The following OSBPL10 variants were observed in gnomAD, a reference collection of about 807,000 sequenced individuals.
OSBPL10 encodes the protein oxysterol binding protein like 10.
OSBPL10 carries 49 observed loss-of-function variants against 81.7 expected under a neutral mutation model. The observed-to-expected ratio is 0.60, with a 90% CI of 0.48 to 0.76. The LOEUF is 0.76. Ranked by LOEUF, OSBPL10 falls within the 30% of genes least tolerant of loss-of-function variation. OSBPL10 has a pLI of 0.00. For missense variants in OSBPL10, 923 were observed against 987.8 expected (o/e 0.93, Z 0.88); for synonymous variants, 419 against 383.6 (o/e 1.09, Z -1.08).
intron 2 of OSBPL10, among the ~76,000 whole-genome samples, chr3:31,878,242 G>C (rs377513206): frequency 1.4e-4 from 22 of 152,318 alleles, no homozygotes; most frequent in East Asian, 1.4e-3. Flanking sequence ...TGTCAAATTA[G>C]TTGGATATTT....
At chr3:31,859,603 T>C (rs1701011937) in intron 3 of OSBPL10, among the ~76,000 whole-genome samples, 1 of 152,232 alleles carries the variant, frequency 6.6e-6, no homozygotes, top group Non-Finnish European at 1.5e-5. Flanking sequence ...CTTTTGCCCT[T>C]TCACTTTCTG....
intron 4 of OSBPL10, among the ~76,000 whole-genome samples, chr3:31,778,736 T>G (rs116802500): frequency 0.016 from 2,370 of 152,022 alleles, 43 homozygotes; most frequent in Non-Finnish European, 0.02. Context: ...AAAAAAATAA[T>G]AATAATAATC....
At position 31,991,915 on chromosome 3, in the gene OSBPL10, T is replaced by C. The variant is rs562757342; in HGVS notation, n.298+54576A>G. Among the ~76,000 whole-genome samples the C allele has an allele frequency of 2.9e-3, 445 of 151,522 alleles. 2 individuals carry two copies. Among genetic ancestry groups the C allele is most frequent in the African/African-American group, 0.01 (417 of 41,322 alleles). ...GGCTCATGCCTGTAATCCCAGCACT[T>C]TGGGTGGATCACTTGAGGTTAGGAG... On this transcript the variant is annotated intron_variant and non_coding_transcript_variant, in intron 2 of 3. Transcript: ENST00000479173.
chr3:31,843,598 C>T (rs985592792), intron 3 of OSBPL10, among the ~76,000 whole-genome samples: 19 of 152,180 alleles, frequency 1.2e-4, no homozygotes, highest in African/African-American at 4.1e-4. Flanking sequence ...GGTATGCTTG[C>T]TTTAATCTGA....
At chr3:31,807,108 G>A (rs994110257) in intron 4 of OSBPL10, among the ~76,000 whole-genome samples, 13 of 152,170 alleles carry the variant, frequency 8.5e-5, no homozygotes, top group African/African-American at 3.1e-4. Context: ...GGCCAGCCAC[G>A]GTGGCTCACG....
intron 2 of OSBPL10, among the ~76,000 whole-genome samples, chr3:32,000,157 T>C (rs1020557133): frequency 1.3e-5 from 2 of 152,184 alleles, no homozygotes; most frequent in African/African-American, 4.8e-5. Flanking sequence ...ACCTGGTAAA[T>C]TAACGTTCAT....
chr3:31,817,380 G>A (rs1412733473), intron 4 of OSBPL10, among the ~76,000 whole-genome samples: 1 of 152,208 alleles, frequency 6.6e-6, no homozygotes, highest in African/African-American at 2.4e-5. Context: ...ACATCCTCAA[G>A]CCAGTAAGGG....
chr3:31,778,874 G>C (rs1698615420), intron 4 of OSBPL10, among the ~76,000 whole-genome samples: 1 of 152,176 alleles, frequency 6.6e-6, no homozygotes, highest in Non-Finnish European at 1.5e-5. Context: ...TTTCTCAGCA[G>C]AAACCCTTAT....
chr3:31,981,049 G>T lies in OSBPL10; in HGVS notation c.131C>A (p.Ser44Ter). Residue 44 changes from serine (S) to a stop codon, truncating the protein, a stop_gained, in exon 1 of 12, where the codon TCG becomes TAG. Transcript: ENST00000396556. LOFTEE classifies it high-confidence loss of function. This position sits in a 1 kb window ranked among gnomAD's most constrained non-coding sequence, Gnocchi z 4.5. Reference sequence around the variant, plus strand: ...CCCGCCGCCGAGCCCGGCCGCCGCCGACCGGCTGGAGACCCCCCGGCCCGC... The same window carrying T: ...CCCGCCGCCGAGCCCGGCCGCCGCCTACCGGCTGGAGACCCCCCGGCCCGC... ...SLAGRGVSSR[S>*]AAAGLGGGGS... is the part of the protein sequence containing the mutation. 6.8e-7 allele frequency: 1 copy of T among 1,481,260 alleles called. No homozygotes were observed. Among genetic ancestry groups the T allele is most frequent in the Non-Finnish European group, 8.9e-7 (1 of 1,120,174 alleles). The allele number at this position is 1,481,260 out of a possible 1,614,324, so 91.8% of individuals were successfully genotyped here.
In OSBPL10 at chr3:31,845,046, C is replaced by T. The variant is rs529411372; in HGVS notation, c.538-14815G>A. On this transcript the variant is annotated intron_variant, in intron 3 of 11. Coordinates refer to ENST00000396556, the MANE Select transcript of OSBPL10 (RefSeq NM_017784.5). ...GCAGTAAGCCGTGTTTGTGCCACTG[C>T]ACTCCAGCCTGGGTGACAGAGCAAG... Among the ~76,000 whole-genome samples, 14 of 152,336 alleles carry T rather than the reference C, an allele frequency of 9.2e-5. No individual in the cohort carries two copies. In the East Asian group the frequency reaches 2.7e-3, roughly 29 times the overall value.
intron 4 of OSBPL10, among the ~76,000 whole-genome samples, chr3:31,828,394 A>T (rs1575570616): frequency 6.6e-6 from 1 of 152,240 alleles, no homozygotes; most frequent in South Asian, 2.1e-4. Flanking sequence ...TTGCATTACT[A>T]TTCTATTTTG....
intron 4 of OSBPL10, among the ~76,000 whole-genome samples, chr3:31,762,345 C>T (rs1698069526): frequency 6.6e-6 from 1 of 152,206 alleles, no homozygotes; most frequent in African/African-American, 2.4e-5. Flanking sequence ...ATGATAGAAA[C>T]AGGGCCATTT....
At chr3:31,725,337 G>T (rs556862539) in intron 6 of OSBPL10, among the ~76,000 whole-genome samples, 36 of 152,234 alleles carry the variant, frequency 2.4e-4, no homozygotes, top group Admixed American at 2.4e-3. Context: ...AGTCCTAAGG[G>T]TCTGATAGCT....
At chr3:32,040,030 T>G (rs1452772661) in intron 2 of OSBPL10, among the ~76,000 whole-genome samples, 1 of 152,092 alleles carries the variant, frequency 6.6e-6, no homozygotes, top group Non-Finnish European at 1.5e-5. Flanking sequence ...TGAGACAAAG[T>G]TTGGCAGTTC....
At chr3:31,819,719 G>T (rs1699934280) in intron 4 of OSBPL10, among the ~76,000 whole-genome samples, 1 of 152,254 alleles carries the variant, frequency 6.6e-6, no homozygotes, top group Non-Finnish European at 1.5e-5. Context: ...TCACACGCGT[G>T]TGACTTCTCA....
chr3:31,860,591 C>T (rs1474704052), intron 3 of OSBPL10, among the ~76,000 whole-genome samples: 1 of 152,150 alleles, frequency 6.6e-6, no homozygotes, highest in African/African-American at 2.4e-5. Flanking sequence ...CCTGACCCAC[C>T]ACATTAAAAA....
chr3:31,702,527 T>A lies in OSBPL10; in HGVS notation c.1096-19A>T, dbSNP rs377333901. On this transcript the variant is annotated intron_variant, in intron 6 of 11. Transcript: ENST00000396556. Reference sequence around the variant, plus strand: ...AGTTTGGCTAAAATGAAATAATCAATAAAAATCACCAGCTGGCCCAATAGA... The same window carrying A: ...AGTTTGGCTAAAATGAAATAATCAAAAAAAATCACCAGCTGGCCCAATAGA... The A allele has an allele frequency of 6.2e-6, 10 of 1,613,760 alleles. No homozygotes were observed. Among genetic ancestry groups the A allele is most frequent in the African/African-American group, 5.3e-5 (4 of 74,990 alleles).
At chr3:31,798,018 G>C (rs959968920) in intron 4 of OSBPL10, among the ~76,000 whole-genome samples, 65 of 152,072 alleles carry the variant, frequency 4.3e-4, no homozygotes, top group African/African-American at 9.2e-4. Context: ...TATCTGCAAG[G>C]CTGTCTTAAT....
At chr3:31,919,357 G>A (rs572930375) in intron 1 of OSBPL10, 3 of 152,278 alleles carry the variant, frequency 2.0e-5, no homozygotes, top group African/African-American at 7.2e-5. Flanking sequence ...AACTAATTTG[G>A]TTGCTTGAGG....
Sources: gnomAD v4.1 joint callset for allele counts (sites outside exome capture counted in the v4.1 genomes callset) on GRCh38, gnomAD v4.1.1 for gene constraint, Gnocchi (gnomAD v3.1) non-coding constraint, MANE v1.5 for transcripts, NCBI Gene and HGNC (gene_info 2026-07-23, HGNC 2026-07-21) for gene names.